Variants in HIP1 observed in about 807,000 individuals in gnomAD.
HIP1 encodes huntingtin-interacting protein 1.
In HIP1, 65 loss-of-function variants were observed where a neutral mutation model predicts 147.6. That is an observed-to-expected ratio of 0.44 (90% CI 0.36 to 0.54). The LOEUF is 0.54. Ranked by LOEUF, HIP1 falls within the 20% of genes least tolerant of loss-of-function variation. The pLI is 0.00. For missense variants in HIP1, 1,061 were observed against 1,299.6 expected (o/e 0.82, Z 2.82); for synonymous variants, 479 against 504.0 (o/e 0.95, Z 0.67).
chr7:75,595,251 T>TCTTCCTTCCTTCCTTCCTTCCTTC (rs1554501696), intron 2 of HIP1, among the ~76,000 whole-genome samples: 9 of 59,542 alleles, frequency 1.5e-4, no homozygotes, highest in African/African-American at 4.3e-4. Context: ...TTTCTTTCTT[T>TCTTCCTTCCTTCCTTCCTTCCTTC]CTTCCTTCCT....
At chr7:75,607,471 C>T (rs1330864069) in intron 1 of HIP1, among the ~76,000 whole-genome samples, 7 of 149,882 alleles carry the variant, frequency 4.7e-5, no homozygotes, top group Admixed American at 1.3e-4. Context: ...TCAGGTGATC[C>T]GCCCATCTTG....
chr7:75,553,406 A>G, intron 22 of HIP1, 47 bp downstream of exon 22: 1 of 1,598,240 alleles, frequency 6.3e-7, no homozygotes, highest in Non-Finnish European at 8.6e-7. Context: ...ACCAGCACGC[A>G]CACCCAGAAG....
intron 1 of HIP1, among the ~76,000 whole-genome samples, chr7:75,737,980 G>C (rs1432144026): frequency 6.6e-6 from 1 of 152,124 alleles, no homozygotes; most frequent in African/African-American, 2.4e-5. Flanking sequence ...CAATACACCA[G>C]GCATTAAAAA....
chr7:75,534,890 C>T lies in HIP1; in HGVS notation c.*3282G>A, dbSNP rs1303465061. 1.9e-4 allele frequency: 40 copies of T among 206,532 alleles called. No homozygotes were observed. The highest frequency in any genetic ancestry group is 9.6e-4 in the East Asian group (13 of 13,600). 12.8% of individuals were successfully genotyped at this position (206,532 alleles called of 1,614,324 possible). A position where few individuals can be genotyped will look rare whatever the true frequency, so the allele number is the denominator to read the frequency against. On this transcript the variant is annotated 3_prime_UTR_variant, in exon 31 of 31. Transcript: ENST00000336926. ...TTGTCATGACCCATTTACGCTCACCCGAGACTTGTCACTAGTGATGCTCAG... is the reference window on the plus strand; with the variant it reads ...TTGTCATGACCCATTTACGCTCACCTGAGACTTGTCACTAGTGATGCTCAG...
intron 1 of HIP1, among the ~76,000 whole-genome samples, chr7:75,730,090 A>C (rs545171314): frequency 5.2e-4 from 79 of 152,202 alleles, no homozygotes; most frequent in African/African-American, 1.8e-3. Context: ...GGAAGTGGTC[A>C]CTCAGGCTGG....
intron 1 of HIP1, among the ~76,000 whole-genome samples, chr7:75,670,887 G>A (rs1799712553): frequency 6.8e-6 from 1 of 146,332 alleles, no homozygotes; most frequent in African/African-American, 2.5e-5. Flanking sequence ...CTCCCAAAGT[G>A]CTGAGATTAC....
At chr7:75,674,498 T>C (rs1799825743) in intron 1 of HIP1, among the ~76,000 whole-genome samples, 2 of 81,232 alleles carry the variant, frequency 2.5e-5, no homozygotes, top group African/African-American at 1.2e-4. Context: ...TGCGGCTTTT[T>C]GTTTTTTTTT....
chr7:75,716,709 A>G (rs2117366758), intron 1 of HIP1, among the ~76,000 whole-genome samples: 1 of 150,712 alleles, frequency 6.6e-6, no homozygotes, highest in African/African-American at 2.4e-5. Context: ...TTTAGTAGAG[A>G]CAGGGTTTCA....
chr7:75,549,055 C>T, intron 22 of HIP1, 54 bp from the exon 23 acceptor site: 1 of 1,257,466 alleles, frequency 8.0e-7, no homozygotes, highest in Non-Finnish European at 1.2e-6. Context: ...GTCTCTTCTC[C>T]TCTGCCATCT....
At chr7:75,547,470 A>T (rs1183720813) in intron 24 of HIP1, among the ~76,000 whole-genome samples, 1 of 151,974 alleles carries the variant, frequency 6.6e-6, no homozygotes, top group African/African-American at 2.4e-5. Flanking sequence ...TTTTCACCAC[A>T]TTGGGCAGGC....
intron 1 of HIP1, among the ~76,000 whole-genome samples, chr7:75,643,720 C>A (rs1798718423): frequency 1.3e-5 from 2 of 152,138 alleles, no homozygotes; most frequent in Admixed American, 6.6e-5. Context: ...TAGGGTATGG[C>A]TGGGCGCGGT....
intron 1 of HIP1, among the ~76,000 whole-genome samples, chr7:75,603,995 G>A (rs587735693): frequency 2.6e-5 from 4 of 152,208 alleles, no homozygotes; most frequent in South Asian, 4.1e-4. Context: ...CTCTTAGCAC[G>A]TCCTTCCCTG....
intron 18 of HIP1, 32 bp from the exon 19 acceptor site, chr7:75,555,583 C>T (rs782701094): frequency 6.2e-7 from 1 of 1,613,032 alleles, no homozygotes; most frequent in Non-Finnish European, 8.5e-7. Flanking sequence ...GAGAGTCTGC[C>T]CTAGACTCCA....
chr7:75,657,699 A>G (rs757362), intron 1 of HIP1, among the ~76,000 whole-genome samples: 81,819 of 151,758 alleles, frequency 0.54, 23,184 homozygotes, highest in African/African-American at 0.71. Flanking sequence ...CTCAGTGCAC[A>G]GACATAATGC....
intron 2 of HIP1, among the ~76,000 whole-genome samples, chr7:75,597,473 C>T (rs1222654195): frequency 6.6e-6 from 1 of 152,182 alleles, no homozygotes. Flanking sequence ...GGCGCGGTGG[C>T]TCATGCCTGT....
chr7:75,672,033 C>T (rs116366590), intron 1 of HIP1, among the ~76,000 whole-genome samples: 2,683 of 152,116 alleles, frequency 0.018, 76 homozygotes, highest in African/African-American at 0.061. Context: ...CTGTGCCTGG[C>T]CAATTTTCAT....
chr7:75,647,723 G>C (rs1798850911), intron 1 of HIP1, among the ~76,000 whole-genome samples: 1 of 152,236 alleles, frequency 6.6e-6, no homozygotes. Context: ...GCAGCTGGTT[G>C]GTCTGCAGGG....
chr7:75,648,263 T>TTGGGGCTGGTTGGAGTAGC (rs1798867283), intron 1 of HIP1, among the ~76,000 whole-genome samples: 1 of 151,342 alleles, frequency 6.6e-6, no homozygotes, highest in African/African-American at 2.4e-5. Context: ...GTTGGAGTAG[T>TTGGGGCTGGTTGGAGTAGC]TGGGGCTGGT....
intron 1 of HIP1, among the ~76,000 whole-genome samples, chr7:75,638,013 C>T (rs1343457766): frequency 7.1e-5 from 7 of 98,816 alleles, no homozygotes; most frequent in African/African-American, 2.0e-4. Flanking sequence ...CATACACACA[C>T]ACACACACAC....
Sources: gnomAD v4.1 joint callset for allele counts (sites outside exome capture counted in the v4.1 genomes callset) on GRCh38, gnomAD v4.1.1 for gene constraint, MANE v1.5 for transcripts, NCBI Gene and HGNC (gene_info 2026-07-23, HGNC 2026-07-21) for gene names.